LRP1: variants seen among roughly 807,000 people sequenced by gnomAD.
The protein encoded by LRP1 is LDL receptor related protein 1.
In LRP1, 51 loss-of-function variants were observed where a neutral mutation model predicts 541.5. The ratio of observed to expected loss-of-function variants is 0.09; its 90% confidence interval spans 0.08 to 0.12. LRP1 has a LOEUF of 0.12. LRP1 is among the 10% of genes least tolerant of loss of function. The probability of loss-of-function intolerance (pLI) is 1.00; values close to 1 mark genes in which losing one functional copy is unlikely to be tolerated. For missense variants in LRP1, 3,878 were observed against 6,376.2 expected (o/e 0.61, Z 13.34); for synonymous variants, 2,219 against 2,470.8 (o/e 0.90, Z 3.02).
In LRP1 at chr12:57,185,452, C is replaced by A; in HGVS notation, c.6464-79C>A. On this transcript the variant is annotated intron_variant, in intron 40 of 88. Transcript: ENST00000243077. The surrounding 1 kb of genome is among the most constrained non-coding windows in gnomAD (Gnocchi z 4.9). ...ATACCGAGGCAGAGGGCAGAGCTTT[C>A]GCCAAAGCCTGGATGACAAAGGCAC... 6.7e-7 allele frequency: 1 copy of A among 1,491,164 alleles called. No homozygotes were observed. Among genetic ancestry groups the A allele is most frequent in the South Asian group, 1.3e-5 (1 of 74,978 alleles). 92.4% of individuals were successfully genotyped at this position (1,491,164 alleles called of 1,614,324 possible).
In LRP1 at chr12:57,166,952, G is replaced by T. The variant is rs779698934; in HGVS notation, c.2820G>T (p.Gln940His). ...TCSARTCPPN[Q>H]FSCASGRCIP... is the part of the protein sequence containing the mutation. ...CAGCCCGCACCTGCCCCCCCAACCA[G>T]TTCTCCTGTGCCAGTGGCCGCTGCA... is the stretch of plus-strand genomic sequence containing the variant. The change falls in exon 18 of 89, where the codon CAG (glutamine) becomes CAT (histidine). Residue 940 changes from glutamine to histidine, a missense_variant. This residue lies in a region of LRP1 where 29 missense variants were observed against 20.7 expected (regional missense o/e 1.40). Transcript: ENST00000243077. 2.5e-6 allele frequency: 4 copies of T among 1,613,990 alleles called. No individual in the cohort carries two copies. Among genetic ancestry groups the T allele is most frequent in the Non-Finnish European group, 2.5e-6 (3 of 1,179,868 alleles).
In LRP1 at chr12:57,141,495, G is replaced by A. The variant is rs753376845; in HGVS notation, c.312G>A (p.Glu104=). 1.7e-5 allele frequency: 27 copies of A among 1,614,184 alleles called. No homozygotes were observed. The South Asian group carries it at 2.9e-4, about 17-fold the overall frequency. Residue 104 remains glutamate (E), a synonymous_variant, in exon 3 of 89, where the codon GAG becomes GAA. Coordinates refer to ENST00000243077, the MANE Select transcript of LRP1 (RefSeq NM_002332.3). ...GVQDCMDGSD[E]GPHCRELQGN... ...AGGACTGCATGGACGGCTCAGATGAGGGGCCCCACTGCCGAGGTAAGGACT... is the reference window on the plus strand; with the variant it reads ...AGGACTGCATGGACGGCTCAGATGAAGGGCCCCACTGCCGAGGTAAGGACT...
intron 41 of LRP1, among the ~76,000 whole-genome samples, chr12:57,186,137 C>A (rs1237592491): frequency 1.3e-5 from 2 of 152,206 alleles, no homozygotes; most frequent in Non-Finnish European, 2.9e-5. Flanking sequence ...CTGCACAGAA[C>A]AAGCGAGAGG....
rs758017835 is a variant in LRP1 at position 57,192,957 on chromosome 12, C to G, written c.7542C>G (p.Asp2514Glu). 15 of 1,613,498 alleles carry G rather than the reference C, an allele frequency of 9.3e-6. No homozygotes were observed. In the Admixed American group the frequency reaches 1.2e-4, roughly 13 times the overall value. Residue 2514 changes from aspartate to glutamate, a missense_variant, in exon 45 of 89, where the codon GAC becomes GAG. Coordinates refer to ENST00000243077, the MANE Select transcript of LRP1 (RefSeq NM_002332.3). Reference sequence around the variant, plus strand: ...GAGGGGGCCGAATCCTCCAGGATGACCTCACCTGCCGAGGTGAGAGAGGCG... The same window carrying G: ...GAGGGGGCCGAATCCTCCAGGATGAGCTCACCTGCCGAGGTGAGAGAGGCG... ...SCRGGRILQDDLTCRAVNSSC... is the reference protein window; with the variant it reads ...SCRGGRILQDELTCRAVNSSC...
intron 12 of LRP1, 39 bp from the exon 13 acceptor site, chr12:57,160,854 G>A (rs922867316): frequency 1.9e-5 from 29 of 1,536,716 alleles, no homozygotes; most frequent in South Asian, 1.0e-4. Flanking sequence ...TGTTGATGGC[G>A]GGGGTGCCCA....
At position 57,179,167 on chromosome 12, in the gene LRP1, G is replaced by T; in HGVS notation, c.4738+146G>T. The T allele has an allele frequency of 1.6e-6, 2 of 1,289,990 alleles. No individual in the cohort carries two copies. The highest frequency in any genetic ancestry group is 2.1e-6 in the Non-Finnish European group (2 of 939,786). 79.9% of individuals were successfully genotyped at this position (1,289,990 alleles called of 1,614,324 possible). A position where few individuals can be genotyped will look rare whatever the true frequency, so the allele number is the denominator to read the frequency against. Reference sequence around the variant, plus strand: ...CTCCAGAGACAGCCACTGTGAGAAGGGGCTGCAGGTCTGCCAGGGGGGCTG... The same window carrying T: ...CTCCAGAGACAGCCACTGTGAGAAGTGGCTGCAGGTCTGCCAGGGGGGCTG... On this transcript the variant is annotated intron_variant, in intron 28 of 88. Transcript: ENST00000243077. This position sits in a 1 kb window ranked among gnomAD's most constrained non-coding sequence, Gnocchi z 6.8.
At position 57,145,324 on chromosome 12, in the gene LRP1, G is replaced by A. The variant is rs577326650; in HGVS notation, c.675G>A (p.Thr225=). ...SGAQVSTITP[T]STRQTTAMDF... ...CCCAGGTGTCTACCATCACACCTAC[G>A]AGCACGCGGCAGACCACAGCCATGG... Residue 225 remains threonine (T), a synonymous_variant, in exon 6 of 89, where the codon ACG becomes ACA. Coordinates refer to ENST00000243077, the MANE Select transcript of LRP1 (RefSeq NM_002332.3). 23 of 1,614,100 alleles carry A rather than the reference G, an allele frequency of 1.4e-5. No homozygotes were observed. The highest frequency in any genetic ancestry group is 1.9e-5 in the Non-Finnish European group (22 of 1,180,028).
At chr12:57,188,739 G>A (rs1475228900) in intron 42 of LRP1, among the ~76,000 whole-genome samples, 1 of 152,248 alleles carries the variant, frequency 6.6e-6, no homozygotes. Context: ...AAGGTGCAGA[G>A]GACCCAGTGG....
chr12:57,149,756 A>T, intron 6 of LRP1: 1 of 719,052 alleles, frequency 1.4e-6, no homozygotes, highest in Middle Eastern at 2.3e-4. Context: ...TGGAAGGAAG[A>T]GCTGAAGTCG....
At position 57,183,939 on chromosome 12, in the gene LRP1, G is replaced by A. The variant is rs34423990; in HGVS notation, c.5929+30G>A. The A allele has an allele frequency of 6.3e-3, 10,228 of 1,613,604 alleles. 403 individuals carry two copies. In the African/African-American group the frequency reaches 0.09, roughly 14 times the overall value. ...GCAGTGGGCAGGTTTGTGGGGCTTG[G>A]GGTGTGGCAGAGGACTGGGGGACGA... On this transcript the variant is annotated intron_variant, in intron 36 of 88. Transcript: ENST00000243077. This position sits in a 1 kb window ranked among gnomAD's most constrained non-coding sequence, Gnocchi z 6.1.
Position 57,205,638 on chromosome 12 carries a change from C to G in LRP1, c.11551C>G (p.Arg3851Gly), listed in dbSNP as rs375922181. The G allele has an allele frequency of 1.1e-5, 17 of 1,613,132 alleles. No individual in the cohort carries two copies. Among genetic ancestry groups the G allele is most frequent in the Non-Finnish European group, 1.4e-5 (16 of 1,180,030 alleles). Residue 3851 changes from arginine to glycine, a missense_variant, in exon 75 of 89, where the codon CGG (arginine) becomes GGG (glycine). Arg to Gly is a moderately radical substitution (Grantham distance 125). Around this residue, in one of 13 missense-constraint regions of LRP1, gnomAD observed 871 missense variants for 1,212.4 expected, o/e 0.72. Coordinates refer to ENST00000243077, the MANE Select transcript of LRP1 (RefSeq NM_002332.3). The surrounding 1 kb of genome is among the most constrained non-coding windows in gnomAD (Gnocchi z 4.6). The part of the protein sequence containing the change: ...TKGGHLCSCA[R>G]NFMKTHNTCK... ...GGGCGGCCACCTCTGCAGCTGCGCT[C>G]GGAACTTCATGAAGACGCACAACAC...
intron 8 of LRP1, chr12:57,155,392 A>C (rs2035599246): frequency 6.4e-6 from 1 of 156,970 alleles, no homozygotes; most frequent in Admixed American, 6.1e-5. Flanking sequence ...GTGTCTAACG[A>C]GTGCCTAATT....
chr12:57,203,328 A>G, intron 69 of LRP1, 41 bp downstream of exon 69: 1 of 1,590,214 alleles, frequency 6.3e-7, no homozygotes, highest in Non-Finnish European at 8.6e-7. Context: ...GCCTCAGAGG[A>G]GTTCAGGCAG....
At position 57,204,340 on chromosome 12, in the gene LRP1, C is replaced by G; in HGVS notation, c.10952-70C>G. 4.1e-5 allele frequency: 59 copies of G among 1,453,598 alleles called. No individual in the cohort carries two copies. Among genetic ancestry groups the G allele is most frequent in the Non-Finnish European group, 5.3e-5 (58 of 1,098,598 alleles). 90.0% of individuals were successfully genotyped at this position (1,453,598 alleles called of 1,614,324 possible). On this transcript the variant is annotated intron_variant, in intron 70 of 88. Transcript: ENST00000243077. The surrounding 1 kb of genome is among the most constrained non-coding windows in gnomAD (Gnocchi z 5.3). ...TGGTGACCCCTCTGAGCCTGGAACC[C>G]CCACCTGTGGAGACAGGGGTCTGGG...
chr12:57,180,245 T>C (rs2036136633), intron 31 of LRP1, 85 bp from the exon 32 acceptor site: 2 of 1,582,828 alleles, frequency 1.3e-6, no homozygotes, highest in Non-Finnish European at 1.7e-6. Context: ...GAGCCCTAGC[T>C]TAGTGCCTGT....
In LRP1 at chr12:57,195,754, A is replaced by G. The variant is rs2036518053; in HGVS notation, c.8534A>G (p.Asp2845Gly). ...TGTGACCACGACCGTGACTGTGCAG[A>G]TGGCTCTGATGAGTCCCCCGAGTGT... ...FVCDHDRDCA[D>G]GSDESPECEY... Residue 2845 changes from aspartate to glycine, a missense_variant, in exon 53 of 89, where the codon GAT becomes GGT. Around this residue, in one of 13 missense-constraint regions of LRP1, gnomAD observed 1,100 missense variants for 1,827.4 expected, o/e 0.60. Coordinates refer to ENST00000243077, the MANE Select transcript of LRP1 (RefSeq NM_002332.3). 1 of 1,614,198 alleles carries G rather than the reference A, an allele frequency of 6.2e-7. No homozygotes were observed. Among genetic ancestry groups the G allele is most frequent in the Non-Finnish European group, 8.5e-7 (1 of 1,180,034 alleles).
At chr12:57,149,255 C>A (rs781100354) in intron 6 of LRP1, 4 of 442,672 alleles carry the variant, frequency 9.0e-6, no homozygotes, top group Non-Finnish European at 1.6e-5. Context: ...AGGGGTGGCT[C>A]TAGCCACCCC....
intron 78 of LRP1, 117 bp downstream of exon 78, chr12:57,208,934 G>A: frequency 9.2e-7 from 1 of 1,092,824 alleles, no homozygotes. Flanking sequence ...CTGGGGCAGG[G>A]CAGATTGGCC....
At chr12:57,143,029 G>C (rs1004581087) in intron 3 of LRP1, among the ~76,000 whole-genome samples, 4 of 152,122 alleles carry the variant, frequency 2.6e-5, no homozygotes, top group Non-Finnish European at 5.9e-5. Flanking sequence ...CTGGTCTGGG[G>C]GGGCAACTGC....
Sources: allele counts gnomAD v4.1 joint callset (sites outside exome capture counted in the v4.1 genomes callset), GRCh38; gene constraint gnomAD v4.1.1; regional missense constraint gnomAD v4.1.1; non-coding constraint Gnocchi (gnomAD v3.1); transcripts MANE v1.5; gene names NCBI Gene and HGNC (gene_info 2026-07-23, HGNC 2026-07-21).